The following YTHDF2 variants were observed in gnomAD, a reference collection of about 807,000 sequenced individuals.
The protein encoded by YTHDF2 is YTH N6-methyladenosine RNA binding protein F2, also known as YTH domain-containing family protein 2.
Under a neutral mutation model 50.4 loss-of-function variants are expected in YTHDF2, and 2 were observed. The observed-to-expected ratio is 0.04, with a 90% CI of 0.02 to 0.12. The LOEUF (loss-of-function observed/expected upper bound fraction) is 0.12, where lower values mean the gene tolerates loss of function less well. Ranked by LOEUF, YTHDF2 falls within the 10% of genes least tolerant of loss-of-function variation. YTHDF2 has a pLI of 1.00. For missense variants in YTHDF2, 483 were observed against 722.6 expected, an observed-to-expected ratio of 0.67 and a Z score of 3.80; for synonymous variants, 217 against 255.6, an observed-to-expected ratio of 0.85 and a Z score of 1.44.
chr1:28,768,907 A>G (rs769648136), intron 4 of YTHDF2, 22 bp from the exon 5 acceptor site: 1 of 1,574,922 alleles, frequency 6.3e-7, no homozygotes, highest in Non-Finnish European at 8.6e-7. Context: ...TAACCATTTC[A>G]ATTTTTTTCT....
At chr1:28,749,961 A>G (rs1264973771) in intron 4 of YTHDF2, among the ~76,000 whole-genome samples, 3 of 123,400 alleles carry the variant, frequency 2.4e-5, no homozygotes, top group African/African-American at 9.2e-5. Context: ...CTTTTGTGCT[A>G]TTGAAATTTT....
intron 4 of YTHDF2, among the ~76,000 whole-genome samples, chr1:28,749,605 A>C (rs1299603875): frequency 6.6e-6 from 1 of 152,206 alleles, no homozygotes; most frequent in East Asian, 1.9e-4. Flanking sequence ...TCTTGTTTCT[A>C]GCCCTTTAAC....
intron 4 of YTHDF2, among the ~76,000 whole-genome samples, chr1:28,759,080 C>A (rs779213522): frequency 6.6e-6 from 1 of 152,268 alleles, no homozygotes; most frequent in South Asian, 2.1e-4. Context: ...AGAGTTCTTA[C>A]TTTGAGATTC....
At chr1:28,740,482 C>T (rs1020917923) in intron 3 of YTHDF2, 1 of 152,044 alleles carries the variant, frequency 6.6e-6, no homozygotes, top group South Asian at 2.1e-4. Flanking sequence ...GAAGGGTAAC[C>T]TGAGAATCTA....
intron 4 of YTHDF2, among the ~76,000 whole-genome samples, chr1:28,763,436 G>T (rs2088163960): frequency 6.6e-6 from 1 of 151,774 alleles, no homozygotes; most frequent in African/African-American, 2.4e-5. Flanking sequence ...ACCAGGGCTG[G>T]CTAGTTTTTT....
intron 4 of YTHDF2, among the ~76,000 whole-genome samples, chr1:28,759,991 A>G (rs139490801): frequency 6.6e-6 from 1 of 152,262 alleles, no homozygotes; most frequent in African/African-American, 2.4e-5. Context: ...CATTTTTAAC[A>G]TCTTTTTAAA....
At position 28,737,019 on chromosome 1, in the gene YTHDF2, G is replaced by C. The variant is rs1237985782; in HGVS notation, c.-102G>C. On this transcript the variant is annotated 5_prime_UTR_variant, in exon 1 of 5. Coordinates refer to ENST00000373812, the MANE Select transcript of YTHDF2 (RefSeq NM_016258.3). ...GTCCGCCGAGGCCCCCGAGTGTCAG[G>C]GACAAAAGCCTCCGCCTGCTCCCGC... 9.5e-6 allele frequency: 14 copies of C among 1,472,726 alleles called. No individual in the cohort carries two copies. The South Asian group carries it at 1.3e-4, about 14-fold the overall frequency. The allele number at this position is 1,472,726 out of a possible 1,614,324, so 91.2% of individuals were successfully genotyped here.
intron 4 of YTHDF2, among the ~76,000 whole-genome samples, chr1:28,761,986 AAG>A (rs1303027899): frequency 7.2e-5 from 11 of 152,236 alleles, no homozygotes; most frequent in Admixed American, 2.6e-4. Context: ...GTCTAAAGTC[AAG>A]TCATTAGACT....
chr1:28,768,884 TTCA>T, intron 4 of YTHDF2, 42 bp from the exon 5 acceptor site: 1 of 1,515,288 alleles, frequency 6.6e-7, no homozygotes, highest in South Asian at 1.3e-5. Flanking sequence ...ATAAAGCATG[TTCA>T]GATAATTTTT....
In YTHDF2 at chr1:28,743,121, T is replaced by C. The variant is rs1315272772; in HGVS notation, c.851T>C (p.Val284Ala). Residue 284 changes from valine (V) to alanine (A), a missense_variant, in exon 4 of 5, where the codon GTT (valine) becomes GCT (alanine). Around this residue, in one of 4 missense-constraint regions of YTHDF2, gnomAD observed 385 missense variants for 475.8 expected, o/e 0.81. Coordinates refer to ENST00000373812, the MANE Select transcript of YTHDF2 (RefSeq NM_016258.3). The surrounding 1 kb of genome is among the most constrained non-coding windows in gnomAD (Gnocchi z 6.9). Reference sequence around the variant, plus strand: ...GGAACTTGGGATAACAAGGGTCCCGTTGCAAAAGCCCCCTCACAGGCTTTG... The same window carrying C: ...GGAACTTGGGATAACAAGGGTCCCGCTGCAAAAGCCCCCTCACAGGCTTTG... ...DIGTWDNKGPVAKAPSQALVQ... is the reference protein window; with the variant it reads ...DIGTWDNKGPAAKAPSQALVQ... 1.2e-6 allele frequency: 2 copies of C among 1,614,050 alleles called. No homozygotes were observed. Among genetic ancestry groups the C allele is most frequent in the African/African-American group, 2.7e-5 (2 of 74,922 alleles).
chr1:28,763,753 C>A (rs2088169693), intron 4 of YTHDF2, among the ~76,000 whole-genome samples: 1 of 109,966 alleles, frequency 9.1e-6, no homozygotes, highest in Non-Finnish European at 1.9e-5. Flanking sequence ...CTGTGCCCAG[C>A]CAATTTTTTT....
intron 4 of YTHDF2, among the ~76,000 whole-genome samples, chr1:28,747,634 G>C (rs1299843491): frequency 6.8e-6 from 1 of 146,242 alleles, no homozygotes; most frequent in Non-Finnish European, 1.5e-5. Flanking sequence ...TAGCCAGGAT[G>C]GTCTTGATCT....
In YTHDF2 at chr1:28,749,179, CTT is replaced by C. The variant is rs60729215; in HGVS notation, c.1716+5215_1716+5216del. ...AACAGTTAAGAGCCTTTCTTTCTTC[CTT>C]TTTTTTTTTTTTTTTTTTTTTGATA... On this transcript the variant is annotated intron_variant, in intron 4 of 4. Transcript: ENST00000373812. 4.2e-3 allele frequency among the ~76,000 whole-genome samples: 447 copies of C among 107,362 alleles called. 2 individuals are homozygous for C. Among genetic ancestry groups the C allele is most frequent in the Middle Eastern group, 5.3e-3 (1 of 190 alleles). The allele number at this position is 107,362 out of a possible 152,430, so 70.4% of individuals were successfully genotyped here.
intron 1 of YTHDF2, chr1:28,737,363 G>A (rs1422185870): frequency 7.7e-6 from 5 of 650,716 alleles, no homozygotes; most frequent in African/African-American, 1.9e-5. Flanking sequence ...GCCGGGCCGC[G>A]CCGCGTTCCC....
intron 3 of YTHDF2, chr1:28,738,995 G>C (rs975145347): frequency 6.6e-6 from 1 of 152,210 alleles, no homozygotes; most frequent in Admixed American, 6.5e-5. Context: ...TAGCAGTGCA[G>C]AATTTAGGGA....
In YTHDF2 at chr1:28,740,736, C is replaced by G. The variant is rs534045365; in HGVS notation, c.133-1667C>G. ...TATTTATTTTTGAGATAGAGTCTCA[C>G]TCTGTCACCCAGGCTGTAGTGCAGT... On this transcript the variant is annotated intron_variant, in intron 3 of 4. Transcript: ENST00000373812. Among the ~76,000 whole-genome samples the G allele has an allele frequency of 6.2e-4, 94 of 152,276 alleles. 1 individual carries two copies. Among genetic ancestry groups the G allele is most frequent in the Admixed American group, 2.6e-3 (40 of 15,288 alleles).
chr1:28,740,589 A>G (rs1224660441), intron 3 of YTHDF2, among the ~76,000 whole-genome samples: 2 of 152,174 alleles, frequency 1.3e-5, no homozygotes, highest in Non-Finnish European at 2.9e-5. Context: ...TTATAGGCTG[A>G]ATTTCTTATA....
intron 4 of YTHDF2, among the ~76,000 whole-genome samples, chr1:28,761,490 A>G (rs989035147): frequency 6.6e-6 from 1 of 152,150 alleles, no homozygotes; most frequent in Non-Finnish European, 1.5e-5. Flanking sequence ...TAATCCCAGC[A>G]CATAACGGAG....
intron 4 of YTHDF2, among the ~76,000 whole-genome samples, chr1:28,759,455 A>G (rs947532079): frequency 6.6e-6 from 1 of 152,208 alleles, no homozygotes; most frequent in Non-Finnish European, 1.5e-5. Context: ...ATGCATTGTC[A>G]GGTGATTTTG....
Sources: gnomAD v4.1 joint callset for allele counts (sites outside exome capture counted in the v4.1 genomes callset) on GRCh38, gnomAD v4.1.1 for gene constraint, gnomAD v4.1.1 regional missense constraint, Gnocchi (gnomAD v3.1) non-coding constraint, MANE v1.5 for transcripts, NCBI Gene and HGNC (gene_info 2026-07-23, HGNC 2026-07-21) for gene names.